THSD7A: variants seen among roughly 807,000 people sequenced by gnomAD.
THSD7A encodes thrombospondin type 1 domain containing 7A.
THSD7A carries 96 observed loss-of-function variants against 231.3 expected under a neutral mutation model. The observed-to-expected ratio is 0.41, with a 90% CI of 0.35 to 0.49. The LOEUF (loss-of-function observed/expected upper bound fraction) is 0.49, where lower values mean the gene tolerates loss of function less well. Among genes scored for constraint, THSD7A ranks in the 20% least tolerant of loss-of-function variants. The probability of loss-of-function intolerance (pLI) is 0.05; values close to 1 mark genes in which losing one functional copy is unlikely to be tolerated. For missense variants in THSD7A, 2,290 were observed against 2,070.2 expected, an observed-to-expected ratio of 1.11 and a Z score of -2.06; for synonymous variants, 940 against 743.3, an observed-to-expected ratio of 1.26 and a Z score of -4.30.
intron 23 of THSD7A, among the ~76,000 whole-genome samples, chr7:11,389,312 C>A (rs950026257): frequency 6.6e-6 from 1 of 151,270 alleles, no homozygotes; most frequent in East Asian, 2.0e-4. Context: ...AGACAGTTAG[C>A]TGTTCTTGTT....
In THSD7A at chr7:11,426,074, TAA is replaced by T. The variant is rs140925193; in HGVS notation, c.3249+590_3249+591del. ...AGAGTATAATAAAAAAAAAAAACAT[TAA>T]AAAAAAAATGCACTGTTGGAGTCAA... On this transcript the variant is annotated intron_variant, in intron 15 of 27. Coordinates refer to ENST00000423059, the MANE Select transcript of THSD7A (RefSeq NM_015204.3). 9.5e-3 allele frequency among the ~76,000 whole-genome samples: 1,403 copies of T among 148,142 alleles called. 21 individuals carry two copies. Among genetic ancestry groups the T allele is most frequent in the African/African-American group, 0.033 (1,321 of 40,320 alleles).
chr7:11,671,023 G>C (rs548314581), intron 1 of THSD7A, among the ~76,000 whole-genome samples: 25 of 152,172 alleles, frequency 1.6e-4, no homozygotes, highest in Non-Finnish European at 3.1e-4. Flanking sequence ...CAAGTTTGAT[G>C]AGAAGTTTTA....
chr7:11,436,289 T>A (rs1387674763), intron 13 of THSD7A, among the ~76,000 whole-genome samples: 1 of 152,126 alleles, frequency 6.6e-6, no homozygotes, highest in Admixed American at 6.6e-5. Flanking sequence ...TTTAACTTGA[T>A]CCAGTGCAAT....
chr7:11,530,314 C>G (rs1001239904), intron 6 of THSD7A, among the ~76,000 whole-genome samples: 1 of 151,992 alleles, frequency 6.6e-6, no homozygotes, highest in Non-Finnish European at 1.5e-5. Context: ...TATTCGACAT[C>G]TGGTAGGCAA....
chr7:11,629,671 C>A (rs543865580), intron 2 of THSD7A, among the ~76,000 whole-genome samples: 5 of 152,296 alleles, frequency 3.3e-5, no homozygotes, highest in African/African-American at 9.6e-5. Flanking sequence ...TGAGTGATAA[C>A]CTTGCAGTTA....
intron 1 of THSD7A, among the ~76,000 whole-genome samples, chr7:11,670,306 C>A (rs1783330474): frequency 6.6e-6 from 1 of 152,126 alleles, no homozygotes; most frequent in African/African-American, 2.4e-5. Flanking sequence ...CAATGGAGAT[C>A]CATTACCACA....
Position 11,569,503 on chromosome 7 carries a change from T to C in THSD7A, c.1453+20957A>G, listed in dbSNP as rs969112933. Among the ~76,000 whole-genome samples, 14 of 152,170 alleles carry C rather than the reference T, an allele frequency of 9.2e-5. 1 individual carries two copies. Among genetic ancestry groups the C allele is most frequent in the Admixed American group, 7.9e-4 (12 of 15,276 alleles). On this transcript the variant is annotated intron_variant, in intron 4 of 27. Coordinates refer to ENST00000423059, the MANE Select transcript of THSD7A (RefSeq NM_015204.3). ...GATCATCTCATCCAGTTAGAATGGC[T>C]ACTATTAAATTGAGAAAACATAAGA...
At chr7:11,583,770 A>G (rs1791273692) in intron 4 of THSD7A, among the ~76,000 whole-genome samples, 1 of 152,030 alleles carries the variant, frequency 6.6e-6, no homozygotes, top group Non-Finnish European at 1.5e-5. Context: ...GCATTTGTTT[A>G]TTTCAGGCAT....
At chr7:11,616,108 G>T (rs905858696) in intron 2 of THSD7A, among the ~76,000 whole-genome samples, 3 of 151,824 alleles carry the variant, frequency 2.0e-5, no homozygotes, top group Non-Finnish European at 4.4e-5. Context: ...TATTTCCTTT[G>T]TTATATACTA....
At chr7:11,772,919 T>C (rs1272486445) in intron 1 of THSD7A, among the ~76,000 whole-genome samples, 5 of 152,136 alleles carry the variant, frequency 3.3e-5, no homozygotes, top group African/African-American at 1.2e-4. Context: ...ACAGTCAAGA[T>C]AATTTCAAAC....
Position 11,634,594 on chromosome 7 carries a change from C to A in THSD7A, c.1022+1536G>T. On this transcript the variant is annotated intron_variant, in intron 2 of 27. Transcript: ENST00000423059. This position sits in a 1 kb window ranked among gnomAD's most constrained non-coding sequence, Gnocchi z 4.1. The stretch of plus-strand genomic sequence containing the variant: ...TATACATGATACAGAATCAGAGGTA[C>A]ACACACACACACACACATACACACA... Among the ~76,000 whole-genome samples the A allele has an allele frequency of 5.6e-5, 1 of 17,982 alleles. No individual in the cohort carries two copies. Among genetic ancestry groups the A allele is most frequent in the Middle Eastern group, 0.02 (1 of 50 alleles). The allele number at this position is 17,982 out of a possible 152,430, so 11.8% of individuals were successfully genotyped here.
At chr7:11,585,626 A>G (rs935930319) in intron 4 of THSD7A, among the ~76,000 whole-genome samples, 1 of 152,214 alleles carries the variant, frequency 6.6e-6, no homozygotes, top group Non-Finnish European at 1.5e-5. Context: ...ACACTTAAGA[A>G]AGATTAAAAA....
chr7:11,464,060 T>C (rs1190665474), intron 9 of THSD7A, among the ~76,000 whole-genome samples: 3 of 152,148 alleles, frequency 2.0e-5, no homozygotes, highest in African/African-American at 7.2e-5. Flanking sequence ...AATTTTTCTC[T>C]CCCTCTTCCT....
At chr7:11,576,859 A>C (rs1790931882) in intron 4 of THSD7A, among the ~76,000 whole-genome samples, 1 of 152,184 alleles carries the variant, frequency 6.6e-6, no homozygotes. Context: ...CAACAGAAAC[A>C]TTATCAGCTA....
At chr7:11,526,512 T>A (rs1788479676) in intron 6 of THSD7A, among the ~76,000 whole-genome samples, 1 of 152,208 alleles carries the variant, frequency 6.6e-6, no homozygotes, top group Non-Finnish European at 1.5e-5. Context: ...TAGTGCATAC[T>A]TAATGGGCAG....
chr7:11,379,807 C>A, intron 24 of THSD7A, 95 bp from the exon 25 acceptor site: 1 of 1,326,694 alleles, frequency 7.5e-7, no homozygotes, highest in Admixed American at 2.0e-5. Context: ...CTTGAACCAC[C>A]TTGGGAATCC....
chr7:11,488,352 A>G (rs1378923012), intron 6 of THSD7A, among the ~76,000 whole-genome samples: 1 of 152,124 alleles, frequency 6.6e-6, no homozygotes, highest in African/African-American at 2.4e-5. Flanking sequence ...TCATATTTGC[A>G]TGGACCTTTC....
intron 1 of THSD7A, among the ~76,000 whole-genome samples, chr7:11,800,265 T>G (rs1784238350): frequency 6.6e-6 from 1 of 151,996 alleles, no homozygotes; most frequent in African/African-American, 2.4e-5. Flanking sequence ...ACATCCTATT[T>G]GAGCCAGGCG....
At chr7:11,588,882 G>C (rs185541795) in intron 4 of THSD7A, among the ~76,000 whole-genome samples, 1 of 152,152 alleles carries the variant, frequency 6.6e-6, no homozygotes, top group Non-Finnish European at 1.5e-5. Context: ...ATAACCTCAA[G>C]ATACATTAGT....
Sources: gnomAD v4.1 joint callset for allele counts (sites outside exome capture counted in the v4.1 genomes callset) on GRCh38, gnomAD v4.1.1 for gene constraint, Gnocchi (gnomAD v3.1) non-coding constraint, MANE v1.5 for transcripts, NCBI Gene and HGNC (gene_info 2026-07-23, HGNC 2026-07-21) for gene names.